The following ARHGAP24 variants were observed in gnomAD, a reference collection of about 807,000 sequenced individuals.
The protein encoded by ARHGAP24 is rho GTPase-activating protein 24.
In ARHGAP24, 50 loss-of-function variants were observed where a neutral mutation model predicts 76.4. The ratio of observed to expected loss-of-function variants is 0.65; its 90% CI spans 0.52 to 0.83. ARHGAP24 has a LOEUF of 0.83. Ranked by LOEUF, ARHGAP24 falls within the 40% of genes least tolerant of loss-of-function variation. The pLI, the probability that ARHGAP24 is intolerant of heterozygous loss-of-function variation, is 0.00. For synonymous variants in ARHGAP24, 345 were observed against 323.3 expected (o/e 1.07, Z -0.72); for missense variants, 930 against 914.2 (o/e 1.02, Z -0.22).
At chr4:85,810,518 AGGTCATTTAGC>A (rs1728966885) in intron 3 of ARHGAP24, among the ~76,000 whole-genome samples, 2 of 152,172 alleles carry the variant, frequency 1.3e-5, no homozygotes, top group Non-Finnish European at 2.9e-5. Context: ...GATCTTGGGC[AGGTCATTTAGC>A]TGTTTTATGC....
chr4:85,721,702 C>T (rs1724945898), intron 2 of ARHGAP24, among the ~76,000 whole-genome samples, 183 bp from the exon 3 acceptor site: 1 of 152,064 alleles, frequency 6.6e-6, no homozygotes, highest in Non-Finnish European at 1.5e-5. Flanking sequence ...AACAAGTATT[C>T]GTTAAATCTT....
At chr4:85,769,862 C>T (rs1727068521) in intron 3 of ARHGAP24, among the ~76,000 whole-genome samples, 1 of 152,130 alleles carries the variant, frequency 6.6e-6, no homozygotes, top group Non-Finnish European at 1.5e-5. Flanking sequence ...GGTGGGATTA[C>T]AGGCATGAGC....
intron 8 of ARHGAP24, among the ~76,000 whole-genome samples, chr4:85,986,576 G>A (rs1740013777): frequency 6.6e-6 from 1 of 152,150 alleles, no homozygotes; most frequent in Non-Finnish European, 1.5e-5. Flanking sequence ...CTGAGCTGAA[G>A]AGAGTAAGGT....
At chr4:85,579,524 A>G (rs1727520135) in intron 2 of ARHGAP24, among the ~76,000 whole-genome samples, 1 of 108,642 alleles carries the variant, frequency 9.2e-6, no homozygotes, top group Non-Finnish European at 1.9e-5. Flanking sequence ...TTCAATTTTC[A>G]TGTCTTCTCT....
chr4:85,715,246 C>T (rs1342713868), intron 2 of ARHGAP24, among the ~76,000 whole-genome samples: 1 of 152,030 alleles, frequency 6.6e-6, no homozygotes, highest in Non-Finnish European at 1.5e-5. Context: ...ATAGTAAAAA[C>T]TGACTTCAAA....
chr4:85,754,950 C>T (rs1357035194), intron 3 of ARHGAP24, among the ~76,000 whole-genome samples: 2 of 152,118 alleles, frequency 1.3e-5, no homozygotes, highest in Non-Finnish European at 2.9e-5. Context: ...TCAGATTAGG[C>T]GAAGCGTGTG....
rs536407413 is a variant in ARHGAP24 at position 85,898,852 on chromosome 4, T to C, written c.269-24796T>C. Among the ~76,000 whole-genome samples the C allele has an allele frequency of 3.3e-5, 5 of 152,300 alleles. No homozygotes were observed. The East Asian group carries it at 9.7e-4, about 29-fold the overall frequency. ...TTCCGCCTCCCGGTTCAAGTGATGC[T>C]CCTGCCTCAGTTTCCCAAGTAGCTG... On this transcript the variant is annotated intron_variant, in intron 3 of 9. Transcript: ENST00000395184.
intron 3 of ARHGAP24, among the ~76,000 whole-genome samples, chr4:85,810,865 A>G (rs1214749797): frequency 6.6e-6 from 1 of 152,204 alleles, no homozygotes; most frequent in African/African-American, 2.4e-5. Context: ...TATTAATTTT[A>G]TTAAAACAGA....
At chr4:85,571,009 T>C (rs770182055) in intron 2 of ARHGAP24, 2 of 303,346 alleles carry the variant, frequency 6.6e-6, no homozygotes, top group Non-Finnish European at 1.2e-5. Context: ...AAAATTTTAG[T>C]AGACATCTGC....
intron 2 of ARHGAP24, among the ~76,000 whole-genome samples, chr4:85,650,120 G>A (rs1007624221): frequency 9.2e-5 from 14 of 152,158 alleles, no homozygotes; most frequent in South Asian, 2.1e-4. Context: ...GTACATGGTC[G>A]CTCCATAAAT....
At position 85,627,682 on chromosome 4, in the gene ARHGAP24, C is replaced by G. The variant is rs7665825; in HGVS notation, c.180+56961C>G. Among the ~76,000 whole-genome samples, 1,315 of 152,332 alleles carry G rather than the reference C, an allele frequency of 8.6e-3. 20 individuals are homozygous for G. Among genetic ancestry groups the G allele is most frequent in the African/African-American group, 0.029 (1,225 of 41,588 alleles). On this transcript the variant is annotated intron_variant, in intron 2 of 9. Transcript: ENST00000395184. Reference sequence around the variant, plus strand: ...TGCCCCCAGAAGTGGAGCCTACAGACGCAGGCAGGCCTCCTTGAGCTGTGG... The same window carrying G: ...TGCCCCCAGAAGTGGAGCCTACAGAGGCAGGCAGGCCTCCTTGAGCTGTGG...
intron 1 of ARHGAP24, among the ~76,000 whole-genome samples, chr4:85,490,520 C>T (rs941466438): frequency 6.6e-6 from 1 of 152,170 alleles, no homozygotes; most frequent in Non-Finnish European, 1.5e-5. Flanking sequence ...CTTTAGAATT[C>T]ATTCACACAT....
At chr4:85,589,071 T>C (rs571340609) in intron 2 of ARHGAP24, among the ~76,000 whole-genome samples, 2 of 152,356 alleles carry the variant, frequency 1.3e-5, no homozygotes, top group South Asian at 4.1e-4. Flanking sequence ...GGGCATATAA[T>C]GAATAGAGAT....
chr4:85,627,406 A>G (rs533174627), intron 2 of ARHGAP24, among the ~76,000 whole-genome samples: 1 of 152,168 alleles, frequency 6.6e-6, no homozygotes, highest in Admixed American at 6.5e-5. Flanking sequence ...TGAACCTCAA[A>G]TGCTGTTGCC....
At chr4:85,511,716 C>T (rs928585968) in intron 1 of ARHGAP24, among the ~76,000 whole-genome samples, 5 of 152,134 alleles carry the variant, frequency 3.3e-5, no homozygotes, top group Admixed American at 6.5e-5. Flanking sequence ...CCACCCGCCT[C>T]GGCCTCCCAA....
intron 2 of ARHGAP24, among the ~76,000 whole-genome samples, chr4:85,668,603 G>A (rs1722719058): frequency 6.6e-6 from 1 of 152,188 alleles, no homozygotes; most frequent in African/African-American, 2.4e-5. Context: ...ATGGAGTTAG[G>A]CAAAGAGGGA....
chr4:85,990,900 T>G (rs576783436), intron 8 of ARHGAP24: 1 of 152,074 alleles, frequency 6.6e-6, no homozygotes, highest in East Asian at 1.9e-4. Context: ...ACTATAAAAA[T>G]ATTTTTTTAA....
At chr4:85,900,579 C>T (rs1734437892) in intron 3 of ARHGAP24, among the ~76,000 whole-genome samples, 2 of 152,012 alleles carry the variant, frequency 1.3e-5, no homozygotes, top group Non-Finnish European at 2.9e-5. Flanking sequence ...CACGTGCCAC[C>T]ATGCCCAGCT....
intron 3 of ARHGAP24, among the ~76,000 whole-genome samples, chr4:85,814,083 C>T (rs1358636034): frequency 6.6e-6 from 1 of 151,944 alleles, no homozygotes; most frequent in Non-Finnish European, 1.5e-5. Context: ...GACTTATTCA[C>T]TACCATGAGA....
Sources: allele counts gnomAD v4.1 joint callset (sites outside exome capture counted in the v4.1 genomes callset), GRCh38; gene constraint gnomAD v4.1.1; transcripts MANE v1.5; gene names NCBI Gene and HGNC (gene_info 2026-07-23, HGNC 2026-07-21).